The following UTP25 variants were observed in gnomAD, a reference collection of about 807,000 sequenced individuals.
UTP25 encodes the protein UTP25 small subunit processome component.
Under a neutral mutation model 78.9 loss-of-function variants are expected in UTP25, and 50 were observed. The ratio of observed to expected loss-of-function variants is 0.63; its 90% confidence interval spans 0.50 to 0.80. The LOEUF (loss-of-function observed/expected upper bound fraction) is 0.80, where lower values mean the gene tolerates loss of function less well. UTP25 is among the 30% of genes least tolerant of loss of function. UTP25 has a pLI of 0.00. For synonymous variants in UTP25, 329 were observed against 336.5 expected (o/e 0.98, Z 0.24); for missense variants, 846 against 911.3 (o/e 0.93, Z 0.92).
chr1:209,843,769 G>T (rs1158544961), intron 11 of UTP25, 73 bp downstream of exon 11: 2 of 1,524,122 alleles, frequency 1.3e-6, no homozygotes, highest in Non-Finnish European at 1.8e-6. Flanking sequence ...TGCTCTGAAT[G>T]CATGGCAGGC....
At chr1:209,830,200 G>C in intron 2 of UTP25, 53 bp downstream of exon 2, 13 of 1,445,798 alleles carry the variant, frequency 9.0e-6, no homozygotes, top group Non-Finnish European at 1.2e-5. Context: ...TTCCCACTAA[G>C]ATTATATCTA....
chr1:209,840,436 CATTCTGT>C (rs1382546831), intron 7 of UTP25, among the ~76,000 whole-genome samples: 1 of 152,206 alleles, frequency 6.6e-6, no homozygotes, highest in Non-Finnish European at 1.5e-5. Flanking sequence ...GCTGTTAGTA[CATTCTGT>C]GCCGTTTGTA....
chr1:209,842,929 A>G (rs1009124057), intron 10 of UTP25: 5 of 509,136 alleles, frequency 9.8e-6, no homozygotes, highest in African/African-American at 7.7e-5. Flanking sequence ...ATAAATCAGG[A>G]CTCTTTCACT....
At position 209,843,467 on chromosome 1, in the gene UTP25, A is replaced by G. The variant is rs1167620880; in HGVS notation, c.1798A>G (p.Asn600Asp). The G allele has an allele frequency of 5.0e-6, 8 of 1,613,800 alleles. No individual in the cohort carries two copies. The highest frequency in any genetic ancestry group is 6.8e-6 in the Non-Finnish European group (8 of 1,179,928). ...VIDARFNFFV[N>D]KILPQYRDAV... The stretch of plus-strand genomic sequence containing the variant: ...CCAAATCAGGTTTAACTTTTTTGTG[A>G]ACAAGATTTTGCCACAGTATCGTGA... The change falls in exon 11 of 12, where the codon AAC (asparagine) becomes GAC (aspartate). Residue 600 changes from asparagine to aspartate, a missense_variant. By Grantham distance (23) the Asn-to-Asp change is conservative. Transcript: ENST00000491415.
In UTP25 at chr1:209,837,185, A is replaced by G; in HGVS notation, c.1036A>G (p.Arg346Gly). Residue 346 changes from arginine (R) to glycine (G), a missense_variant, in exon 6 of 12, where the codon AGA becomes GGA. Physicochemically the swap from Arg to Gly is moderately radical, Grantham distance 125. Coordinates refer to ENST00000491415, the MANE Select transcript of UTP25 (RefSeq NM_014388.7). ...KFGVGDDDDF[R>G]DQGLTRPKVL... ...TGGAGTGGGTGATGATGATGACTTC[A>G]GAGACCAAGGGTTAACAAGGCCCAA... 3.7e-6 allele frequency: 6 copies of G among 1,614,074 alleles called. No individual in the cohort carries two copies. The highest frequency in any genetic ancestry group is 5.1e-6 in the Non-Finnish European group (6 of 1,179,988).
At chr1:209,830,295 G>A (rs2078095362) in intron 2 of UTP25, 148 bp downstream of exon 2, 3 of 718,098 alleles carry the variant, frequency 4.2e-6, no homozygotes, top group Non-Finnish European at 6.7e-6. Flanking sequence ...TTTAAATGCA[G>A]ATGTCTATAA....
chr1:209,843,502 G>A lies in UTP25; in HGVS notation c.1833G>A (p.Met611Ile), dbSNP rs754591547. The A allele has an allele frequency of 9.3e-6, 15 of 1,614,008 alleles. No homozygotes were observed. The highest frequency in any genetic ancestry group is 1.6e-4 in the Middle Eastern group (1 of 6,084). Residue 611 changes from methionine to isoleucine, a missense_variant, in exon 11 of 12, where the codon ATG becomes ATA. Physicochemically the swap from Met to Ile is conservative, Grantham distance 10 (BLOSUM62 1). Coordinates refer to ENST00000491415, the MANE Select transcript of UTP25 (RefSeq NM_014388.7). ...TGCCACAGTATCGTGATGCAGTCAT[G>A]TCTCACACGCTCATCTATATCCCCT... ...KILPQYRDAV[M>I]SHTLIYIPSY... is the part of the protein sequence containing the mutation.
intron 11 of UTP25, 60 bp from the exon 12 acceptor site, chr1:209,851,140 CTAGG>C: frequency 7.1e-6 from 11 of 1,558,298 alleles, no homozygotes; most frequent in Non-Finnish European, 8.7e-6. Context: ...TGTACAACTC[CTAGG>C]TAGTTTTTCT....
rs534952879 is a variant in UTP25 at position 209,857,522 on chromosome 1, A to G, written c.*6075A>G. The G allele has an allele frequency of 1.3e-5, 2 of 152,288 alleles. No homozygotes were observed. Among genetic ancestry groups the G allele is most frequent in the South Asian group, 4.1e-4 (2 of 4,826 alleles). The allele number at this position is 152,288 out of a possible 1,614,324, so 9.4% of individuals were successfully genotyped here. A position where few individuals can be genotyped will look rare whatever the true frequency, so the allele number is the denominator to read the frequency against. ...GAATAATAACCAACAATGTGTGTGTATGTATATATATGCTTTTGCATTAAA... is the reference window on the plus strand; with the variant it reads ...GAATAATAACCAACAATGTGTGTGTGTGTATATATATGCTTTTGCATTAAA... On this transcript the variant is annotated 3_prime_UTR_variant, in exon 12 of 12. Transcript: ENST00000491415.
chr1:209,843,002 T>G (rs766895567), intron 10 of UTP25: 1 of 371,078 alleles, frequency 2.7e-6, no homozygotes, highest in Non-Finnish European at 4.9e-6. Context: ...GTCAGCAAGT[T>G]AATTGTAAGC....
intron 1 of UTP25, 97 bp from the exon 2 acceptor site, chr1:209,830,011 T>A (rs1365336842): frequency 1.9e-6 from 2 of 1,041,948 alleles, no homozygotes; most frequent in African/African-American, 3.2e-5. Flanking sequence ...GTATTTATAA[T>A]GTTATATTCT....
rs1161379973 is a variant in UTP25, at chr1:209,857,044, C to A, written c.*5597C>A. ...GAATCCCCAATTCGATAGAAACTTACAGGTCTTGTGATCTAATCTGCCACT... is the reference window on the plus strand; with the variant it reads ...GAATCCCCAATTCGATAGAAACTTAAAGGTCTTGTGATCTAATCTGCCACT... On this transcript the variant is annotated 3_prime_UTR_variant, in exon 12 of 12. Transcript: ENST00000491415. 1 of 152,172 alleles carries A rather than the reference C, an allele frequency of 6.6e-6. No individual in the cohort carries two copies. The highest frequency in any genetic ancestry group is 1.5e-5 in the Non-Finnish European group (1 of 68,028). 9.4% of individuals were successfully genotyped at this position (152,172 alleles called of 1,614,324 possible). A position where few individuals can be genotyped will look rare whatever the true frequency, so the allele number is the denominator to read the frequency against.
chr1:209,843,613 T>G lies in UTP25; in HGVS notation c.1944T>G (p.Ser648=), dbSNP rs149880997. The change falls in exon 11 of 12, where the codon TCT becomes TCG. Residue 648 remains serine (S), a synonymous_variant. Transcript: ENST00000491415. The part of the protein sequence containing the change: ...FTHICEYTQK[S]GVSRARHFFL... ...ACATCTGCGAGTACACGCAGAAGTC[T>G]GGTGTCTCCAGGGCCAGACACTTCT... is the stretch of plus-strand genomic sequence containing the variant. 7 of 1,614,028 alleles carry G rather than the reference T, an allele frequency of 4.3e-6. No individual in the cohort carries two copies. In the African/African-American group the frequency reaches 5.3e-5, roughly 12 times the overall value.
intron 11 of UTP25, among the ~76,000 whole-genome samples, chr1:209,847,040 T>A (rs955642128): frequency 3.9e-5 from 6 of 152,162 alleles, no homozygotes; most frequent in African/African-American, 1.4e-4. Flanking sequence ...CACACACGTG[T>A]TTTTTTAAAA....
intron 11 of UTP25, among the ~76,000 whole-genome samples, chr1:209,850,179 C>T (rs560035506): frequency 6.5e-4 from 99 of 152,276 alleles, no homozygotes; most frequent in Non-Finnish European, 1.2e-3. Flanking sequence ...GCAATATTCT[C>T]GAGTTTTATA....
In UTP25 at chr1:209,853,653, T is replaced by G. The variant is rs955599608; in HGVS notation, c.*2206T>G. On this transcript the variant is annotated 3_prime_UTR_variant, in exon 12 of 12. Coordinates refer to ENST00000491415, the MANE Select transcript of UTP25 (RefSeq NM_014388.7). Reference sequence around the variant, plus strand: ...GGTTACAGGCCTGAGCCGCCACGCCTGGCCAATTACCTACATCTTTTTCTA... The same window carrying G: ...GGTTACAGGCCTGAGCCGCCACGCCGGGCCAATTACCTACATCTTTTTCTA... 2 of 152,248 alleles carry G rather than the reference T, an allele frequency of 1.3e-5. No individual in the cohort carries two copies. The highest frequency in any genetic ancestry group is 2.9e-5 in the Non-Finnish European group (2 of 68,062). 9.4% of individuals were successfully genotyped at this position (152,248 alleles called of 1,614,324 possible).
intron 11 of UTP25, among the ~76,000 whole-genome samples, chr1:209,848,648 A>T (rs1399015490): frequency 6.6e-6 from 1 of 152,224 alleles, no homozygotes; most frequent in South Asian, 2.1e-4. Flanking sequence ...GCTCCTTTGC[A>T]TCTTTTCCAT....
chr1:209,844,503 G>A (rs1368670028), intron 11 of UTP25: 1 of 152,248 alleles, frequency 6.6e-6, no homozygotes, highest in Non-Finnish European at 1.5e-5. Context: ...GTGGTGGTGT[G>A]TGCCTATAAT....
intron 10 of UTP25, 124 bp from the exon 11 acceptor site, chr1:209,843,327 C>T (rs2078177816): frequency 1.0e-5 from 12 of 1,157,924 alleles, no homozygotes; most frequent in Middle Eastern, 4.0e-4. Flanking sequence ...GGAGGTAAAT[C>T]ATATTGGCCT....
Sources: allele counts gnomAD v4.1 joint callset (sites outside exome capture counted in the v4.1 genomes callset), GRCh38; gene constraint gnomAD v4.1.1; transcripts MANE v1.5; gene names NCBI Gene and HGNC (gene_info 2026-07-23, HGNC 2026-07-21).